SLC39A8: variants seen among roughly 807,000 people sequenced by gnomAD.
SLC39A8 encodes solute carrier family 39 member 8.
A neutral mutation model predicts 40.4 loss-of-function variants in SLC39A8; 15 were observed. That is an observed-to-expected ratio of 0.37 (90% CI 0.25 to 0.57). The LOEUF (loss-of-function observed/expected upper bound fraction) is 0.57, where lower values mean the gene tolerates loss of function less well. SLC39A8 is among the 20% of genes least tolerant of loss of function. The pLI, the probability that SLC39A8 is intolerant of heterozygous loss-of-function variation, is 0.75. For missense variants in SLC39A8, 472 were observed against 558.8 expected (o/e 0.84, Z 1.57); for synonymous variants, 223 against 221.6 (o/e 1.01, Z -0.06).
At chr4:102,280,925 GA>G (rs1416275716) in intron 6 of SLC39A8, among the ~76,000 whole-genome samples, 3 of 152,254 alleles carry the variant, frequency 2.0e-5, no homozygotes, top group African/African-American at 7.2e-5. Context: ...TTACTGCCTT[GA>G]AAAGAACAAT....
chr4:102,337,332 G>A lies in SLC39A8; in HGVS notation c.219+7112C>T, dbSNP rs140495005. On this transcript the variant is annotated intron_variant, in intron 2 of 8. Coordinates refer to ENST00000356736, the MANE Select transcript of SLC39A8 (RefSeq NM_001135146.2). ...AGTAATAGGTTTTTATGACTAGAAAGCAGAAAACTAAGTCCCTGCCCCTCA... is the reference window on the plus strand; with the variant it reads ...AGTAATAGGTTTTTATGACTAGAAAACAGAAAACTAAGTCCCTGCCCCTCA... Among the ~76,000 whole-genome samples the A allele has an allele frequency of 6.8e-4, 103 of 151,016 alleles. 1 individual carries two copies. The highest frequency in any genetic ancestry group is 2.5e-3 in the African/African-American group (101 of 41,126).
chr4:102,261,661 A>G (rs1245772258), downstream of SLC39A8: 4 of 968,332 alleles, frequency 4.1e-6, no homozygotes, highest in Non-Finnish European at 4.9e-6. Flanking sequence ...AAATGACACA[A>G]TACATGGTTT....
chr4:102,272,481 T>C lies in SLC39A8; in HGVS notation c.841-4402A>G, dbSNP rs114983469. On this transcript the variant is annotated intron_variant, in intron 6 of 8. Transcript: ENST00000356736. The stretch of plus-strand genomic sequence containing the variant: ...AAAAAATTACCCAGGTATGGTGTCA[T>C]GAGCTTATGTTCCCAGCTACTCGAA... Among the ~76,000 whole-genome samples, 1,049 of 151,942 alleles carry C rather than the reference T, an allele frequency of 6.9e-3. 10 individuals carry two copies. The highest frequency in any genetic ancestry group is 0.024 in the African/African-American group (996 of 41,452).
intron 6 of SLC39A8, among the ~76,000 whole-genome samples, chr4:102,275,815 C>T (rs1312892075): frequency 1.3e-5 from 2 of 152,120 alleles, no homozygotes; most frequent in African/African-American, 4.8e-5. Context: ...CAAATTAGAA[C>T]TCAGGATTAA....
At chr4:102,258,111 G>GTTT (rs761041063), downstream of SLC39A8, among the ~76,000 whole-genome samples, 5 of 143,830 alleles carry the variant, frequency 3.5e-5, no homozygotes, top group African/African-American at 1.3e-4. Flanking sequence ...TTTGTTTTTT[G>GTTT]TTTTTTTTTT....
chr4:102,259,393 C>T, downstream of SLC39A8: 1 of 1,153,762 alleles, frequency 8.7e-7, no homozygotes, highest in Non-Finnish European at 1.3e-6. Flanking sequence ...AGGAATTAAG[C>T]CATTGTATAA....
At chr4:102,278,166 C>G (rs908527025) in intron 6 of SLC39A8, among the ~76,000 whole-genome samples, 24 of 152,136 alleles carry the variant, frequency 1.6e-4, no homozygotes, top group Admixed American at 5.2e-4. Flanking sequence ...AGCTTCTGCA[C>G]AGCAAAAGAA....
chr4:102,268,871 C>T (rs536385777), intron 6 of SLC39A8, among the ~76,000 whole-genome samples: 76 of 152,174 alleles, frequency 5.0e-4, no homozygotes, highest in African/African-American at 1.7e-3. Context: ...TGTACAAAAT[C>T]AAATGACAAA....
chr4:102,342,127 C>A (rs575733393), intron 2 of SLC39A8, among the ~76,000 whole-genome samples: 1 of 152,170 alleles, frequency 6.6e-6, no homozygotes, highest in African/African-American at 2.4e-5. Flanking sequence ...CCATCACTTA[C>A]CAGCAAATCA....
intron 6 of SLC39A8, among the ~76,000 whole-genome samples, chr4:102,275,424 A>T (rs1277241051): frequency 1.3e-5 from 2 of 152,232 alleles, no homozygotes; most frequent in African/African-American, 4.8e-5. Context: ...TGCAGCAAGA[A>T]GAGCTAACTA....
chr4:102,290,982 G>T (rs1169136044), intron 6 of SLC39A8, among the ~76,000 whole-genome samples: 1 of 151,866 alleles, frequency 6.6e-6, no homozygotes, highest in East Asian at 1.9e-4. Context: ...TGCTCCATAA[G>T]ATATCCCTAC....
chr4:102,258,022 C>T (rs1289031109), downstream of SLC39A8, among the ~76,000 whole-genome samples: 1 of 152,078 alleles, frequency 6.6e-6, no homozygotes, highest in East Asian at 1.9e-4. Flanking sequence ...CATGGGGTTC[C>T]TTTGCAACTT....
rs766930965 is a variant in SLC39A8 at position 102,275,417 on chromosome 4, AG to A, written c.841-7339del. ...TACATAATGGTAAAGGGATCAATGC[AG>A]CAAGAAGAGCTAACTATACTAAATA... On this transcript the variant is annotated intron_variant, in intron 6 of 8. Coordinates refer to ENST00000356736, the MANE Select transcript of SLC39A8 (RefSeq NM_001135146.2). Among the ~76,000 whole-genome samples the A allele has an allele frequency of 3.2e-4, 49 of 152,348 alleles. No homozygotes were observed. In the Middle Eastern group the frequency reaches 0.014, roughly 42 times the overall value.
At chr4:102,299,005 G>T (rs1165659388) in intron 6 of SLC39A8, among the ~76,000 whole-genome samples, 3 of 151,998 alleles carry the variant, frequency 2.0e-5, no homozygotes, top group Non-Finnish European at 4.4e-5. Flanking sequence ...GATGACTGGA[G>T]ATCTACCCCT....
chr4:102,276,072 A>C (rs1402197266), intron 6 of SLC39A8, among the ~76,000 whole-genome samples: 1 of 152,228 alleles, frequency 6.6e-6, no homozygotes, highest in African/African-American at 2.4e-5. Flanking sequence ...CACAATTAAA[A>C]GAACTAGAGA....
At chr4:102,260,113 A>G (rs1465465673), downstream of SLC39A8, among the ~76,000 whole-genome samples, 2 of 152,214 alleles carry the variant, frequency 1.3e-5, no homozygotes, top group Non-Finnish European at 2.9e-5. Context: ...GTATAATTAA[A>G]ATAGTTAAAG....
intron 8 of SLC39A8, among the ~76,000 whole-genome samples, chr4:102,265,762 T>C (rs1399472340): frequency 6.6e-6 from 1 of 152,228 alleles, no homozygotes; most frequent in African/African-American, 2.4e-5. Context: ...AGAGTAAAAG[T>C]ACTGAAGTAG....
chr4:102,285,646 T>TGTGTGC (rs922190375), intron 6 of SLC39A8, among the ~76,000 whole-genome samples: 1 of 151,626 alleles, frequency 6.6e-6, no homozygotes, highest in African/African-American at 2.4e-5. Context: ...TGTGTGTGTG[T>TGTGTGC]GCATGTGTGT....
intron 7 of SLC39A8, 27 bp from the exon 8 acceptor site, chr4:102,267,701 G>T: frequency 6.4e-7 from 1 of 1,559,846 alleles, no homozygotes; most frequent in African/African-American, 1.4e-5. Context: ...AAAATATCAA[G>T]TGAATAGTTT....
Sources: gnomAD v4.1 joint callset for allele counts (sites outside exome capture counted in the v4.1 genomes callset) on GRCh38, gnomAD v4.1.1 for gene constraint, MANE v1.5 for transcripts, NCBI Gene and HGNC (gene_info 2026-07-23, HGNC 2026-07-21) for gene names.